Variants in CAMK4 observed in about 807,000 individuals in gnomAD.
The protein encoded by CAMK4 is calcium/calmodulin-dependent protein kinase type IV.
CAMK4 carries 22 observed loss-of-function variants against 44.9 expected under a neutral mutation model. That is an observed-to-expected ratio of 0.49 (90% CI 0.35 to 0.70). CAMK4 has a LOEUF of 0.70. CAMK4 is among the 30% of genes least tolerant of loss of function. The probability of loss-of-function intolerance (pLI) is 0.01; values close to 1 mark genes in which losing one functional copy is unlikely to be tolerated. For missense variants in CAMK4, 498 were observed against 586.8 expected (o/e 0.85, Z 1.56); for synonymous variants, 218 against 215.4 (o/e 1.01, Z -0.11).
At chr5:111,396,164 A>G (rs1288139139) in intron 5 of CAMK4, among the ~76,000 whole-genome samples, 3 of 152,202 alleles carry the variant, frequency 2.0e-5, no homozygotes, top group East Asian at 1.9e-4. Context: ...GAAATAGCCA[A>G]TTGAACCAAA....
At chr5:111,416,780 G>C (rs1389897934) in intron 5 of CAMK4, among the ~76,000 whole-genome samples, 2 of 151,982 alleles carry the variant, frequency 1.3e-5, no homozygotes, top group African/African-American at 4.8e-5. Context: ...TAATTTGAAG[G>C]ACTGATAAAT....
chr5:111,395,228 G>GAAAAAAAAAAAAAAAA (rs758613011), intron 5 of CAMK4, among the ~76,000 whole-genome samples: 1 of 114,894 alleles, frequency 8.7e-6, no homozygotes, highest in Non-Finnish European at 1.7e-5. Context: ...AAAAAAAAAA[G>GAAAAAAAAAAAAAAAA]AAAAAAAAAA....
chr5:111,366,244 C>A (rs1233394145), intron 2 of CAMK4, among the ~76,000 whole-genome samples: 1 of 152,046 alleles, frequency 6.6e-6, no homozygotes, highest in Non-Finnish European at 1.5e-5. Context: ...AATACAGAGA[C>A]AAAACAAGAT....
At chr5:111,293,848 G>A (rs1747378750) in intron 1 of CAMK4, among the ~76,000 whole-genome samples, 1 of 145,362 alleles carries the variant, frequency 6.9e-6, no homozygotes, top group African/African-American at 2.6e-5. Context: ...CCGGGTTCAT[G>A]CCATTCTCCT....
intron 1 of CAMK4, among the ~76,000 whole-genome samples, chr5:111,326,918 G>A (rs982586427): frequency 5.9e-5 from 9 of 151,692 alleles, no homozygotes; most frequent in Non-Finnish European, 1.2e-4. Flanking sequence ...ATGACTAATC[G>A]AATTCTCTGC....
In CAMK4 at chr5:111,224,819, A is replaced by C. The variant is rs375680711; in HGVS notation, c.161+175A>C. On this transcript the variant is annotated intron_variant, in intron 1 of 10. Coordinates refer to ENST00000282356, the MANE Select transcript of CAMK4 (RefSeq NM_001744.6). This position sits in a 1 kb window ranked among gnomAD's most constrained non-coding sequence, Gnocchi z 5.7. ...TTCAGGTGCGGCTCGAGTCCTTCCC[A>C]CCCCACCAGAGCGCCTAGGCCGGTG... Among the ~76,000 whole-genome samples, 2 of 150,960 alleles carry C rather than the reference A, an allele frequency of 1.3e-5. No homozygotes were observed. The highest frequency in any genetic ancestry group is 2.0e-4 in the East Asian group (1 of 5,058).
chr5:111,257,904 C>T (rs11955143), intron 1 of CAMK4, among the ~76,000 whole-genome samples: 1 of 151,962 alleles, frequency 6.6e-6, no homozygotes, highest in South Asian at 2.1e-4. Flanking sequence ...AACAGAAAAA[C>T]CAAACACTGC....
chr5:111,410,315 C>T (rs1752586438), intron 5 of CAMK4, among the ~76,000 whole-genome samples: 1 of 152,294 alleles, frequency 6.6e-6, no homozygotes, highest in South Asian at 2.1e-4. Flanking sequence ...TGCAGGGGAA[C>T]TCCCATTTAT....
intron 1 of CAMK4, among the ~76,000 whole-genome samples, chr5:111,247,171 G>A (rs1749277766): frequency 6.6e-6 from 1 of 151,546 alleles, no homozygotes; most frequent in Non-Finnish European, 1.5e-5. Context: ...GATATGTATA[G>A]TATATGTATG....
At chr5:111,233,494 C>T (rs912542250) in intron 1 of CAMK4, among the ~76,000 whole-genome samples, 3 of 152,066 alleles carry the variant, frequency 2.0e-5, no homozygotes, top group African/African-American at 4.8e-5. Flanking sequence ...AGCCTTTATT[C>T]GAAGGGCGTG....
intron 1 of CAMK4, among the ~76,000 whole-genome samples, chr5:111,230,948 C>A (rs954850721): frequency 1.3e-5 from 2 of 151,914 alleles, no homozygotes; most frequent in African/African-American, 4.8e-5. Context: ...AGGCAAGGAA[C>A]CATGTAATTC....
At chr5:111,345,589 G>T (rs1349530960) in intron 2 of CAMK4, among the ~76,000 whole-genome samples, 2 of 152,006 alleles carry the variant, frequency 1.3e-5, no homozygotes, top group Admixed American at 1.3e-4. Context: ...TTTGTGAAGG[G>T]CTATTTGTTT....
upstream of CAMK4, chr5:111,224,181 G>A (rs1272100608): frequency 4.0e-6 from 1 of 251,510 alleles, no homozygotes; most frequent in Non-Finnish European, 7.4e-6. This position sits in a 1 kb window ranked among gnomAD's most constrained non-coding sequence, Gnocchi z 5.7. Context: ...AAGGCTCGGC[G>A]CGGGAGGAGG....
At chr5:111,388,222 C>A (rs1377342586) in intron 4 of CAMK4, among the ~76,000 whole-genome samples, 2 of 152,154 alleles carry the variant, frequency 1.3e-5, no homozygotes, top group African/African-American at 4.8e-5. Flanking sequence ...TGTGCCCTTG[C>A]CCCACATATC....
intron 5 of CAMK4, among the ~76,000 whole-genome samples, chr5:111,416,707 A>G (rs1423477452): frequency 6.6e-6 from 1 of 152,230 alleles, no homozygotes; most frequent in Non-Finnish European, 1.5e-5. Flanking sequence ...TGAGACACAT[A>G]GAAGGCATTC....
At chr5:111,370,280 C>T (rs964791698) in intron 2 of CAMK4, among the ~76,000 whole-genome samples, 26 of 152,212 alleles carry the variant, frequency 1.7e-4, no homozygotes, top group Admixed American at 1.5e-3. Context: ...GATCATTTAA[C>T]TCTCAAAGAG....
intron 1 of CAMK4, among the ~76,000 whole-genome samples, chr5:111,309,078 T>A (rs114979001): frequency 3.3e-5 from 5 of 152,276 alleles, no homozygotes; most frequent in Non-Finnish European, 4.4e-5. Flanking sequence ...CTTAGAGTCT[T>A]TGAGTTCAAA....
At chr5:111,368,506 C>G (rs1047107243) in intron 2 of CAMK4, among the ~76,000 whole-genome samples, 1 of 152,086 alleles carries the variant, frequency 6.6e-6, no homozygotes, top group African/African-American at 2.4e-5. Context: ...GACATGATAC[C>G]TTTAAAGAGA....
chr5:111,388,876 T>G (rs1356420261), intron 4 of CAMK4, among the ~76,000 whole-genome samples: 1 of 152,190 alleles, frequency 6.6e-6, no homozygotes, highest in African/African-American at 2.4e-5. Flanking sequence ...AAAGTTTCCA[T>G]TAACTATTCT....
Sources: gnomAD v4.1 joint callset for allele counts (sites outside exome capture counted in the v4.1 genomes callset) on GRCh38, gnomAD v4.1.1 for gene constraint, Gnocchi (gnomAD v3.1) non-coding constraint, MANE v1.5 for transcripts, NCBI Gene and HGNC (gene_info 2026-07-23, HGNC 2026-07-21) for gene names.